Variants in SLC5A6 observed in about 807,000 individuals in gnomAD.
SLC5A6 encodes solute carrier family 5 member 6.
In SLC5A6, 31 loss-of-function variants were observed where a neutral mutation model predicts 67.9. The ratio of observed to expected loss-of-function variants is 0.46; its 90% CI spans 0.34 to 0.62. The LOEUF (loss-of-function observed/expected upper bound fraction) is 0.62. Ranked by LOEUF, SLC5A6 falls within the 20% of genes least tolerant of loss-of-function variation. The pLI is 0.01. For missense variants in SLC5A6, 673 were observed against 812.8 expected, an observed-to-expected ratio of 0.83 and a Z score of 2.09; for synonymous variants, 343 against 331.0, an observed-to-expected ratio of 1.04 and a Z score of -0.39.
In SLC5A6 at chr2:27,199,690, G is replaced by C. The variant is rs1271936401; in HGVS notation, c.*746C>G. The C allele has an allele frequency of 5.2e-5, 8 of 152,490 alleles. No individual in the cohort carries two copies. The highest frequency in any genetic ancestry group is 5.2e-4 in the Admixed American group (8 of 15,280). 9.4% of individuals were successfully genotyped at this position (152,490 alleles called of 1,614,324 possible). On this transcript the variant is annotated 3_prime_UTR_variant, in exon 17 of 17. Transcript: ENST00000310574. ...GGATGACAGAAATGACACCACGGCA[G>C]CCTGGCTCAGGAGTCAGGTAGATAG...
chr2:27,202,998 A>ATAT, intron 11 of SLC5A6, 118 bp from the exon 12 acceptor site: 1 of 1,543,882 alleles, frequency 6.5e-7, no homozygotes, highest in Non-Finnish European at 8.7e-7. Flanking sequence ...AACAAAAGGC[A>ATAT]TATTACATCA....
At position 27,199,611 on chromosome 2, in the gene SLC5A6, T is replaced by C. The variant is rs1439802951; in HGVS notation, c.*825A>G. 1 of 152,364 alleles carries C rather than the reference T, an allele frequency of 6.6e-6. No individual in the cohort carries two copies. Among genetic ancestry groups the C allele is most frequent in the Non-Finnish European group, 1.5e-5 (1 of 68,074 alleles). 9.4% of individuals were successfully genotyped at this position (152,364 alleles called of 1,614,324 possible). A position where few individuals can be genotyped will look rare whatever the true frequency, so the allele number is the denominator to read the frequency against. ...ATTCTAGGTCCAATGGTAGTTTTTA[T>C]TCCCCAGGAACAAAGATAATGTGGA... On this transcript the variant is annotated 3_prime_UTR_variant, in exon 17 of 17. Transcript: ENST00000310574.
intron 11 of SLC5A6, 119 bp from the exon 12 acceptor site, chr2:27,202,999 T>C: frequency 1.3e-6 from 2 of 1,544,016 alleles, no homozygotes; most frequent in South Asian, 2.5e-5. Flanking sequence ...ACAAAAGGCA[T>C]ATTACATCAC....
rs778734078 is a variant in SLC5A6, at chr2:27,204,507, T to C, written c.959A>G (p.Gln320Arg). The change falls in exon 9 of 17, where the codon CAG (glutamine) becomes CGG (arginine). Residue 320 changes from glutamine (Q) to arginine (R), a missense_variant. Gln to Arg is a conservative substitution (Grantham distance 43). Transcript: ENST00000310574. ...LIGLVMFAYYQEYPMSIQQAQ... is the reference protein window; with the variant it reads ...LIGLVMFAYYREYPMSIQQAQ... ...CTGCTGAATGCTCATGGGATACTCC[T>C]GGTAATACGCGAACATGACCAGGCC... 6.8e-6 allele frequency: 11 copies of C among 1,613,868 alleles called. No homozygotes were observed. In the East Asian group the frequency reaches 1.6e-4, roughly 23 times the overall value.
Position 27,206,010 on chromosome 2 carries a change from G to A in SLC5A6, c.579+16C>T, listed in dbSNP as rs200637355. 1.9e-6 allele frequency: 3 copies of A among 1,600,292 alleles called. No homozygotes were observed. The highest frequency in any genetic ancestry group is 1.7e-4 in the Middle Eastern group (1 of 6,024). On this transcript the variant is annotated intron_variant, in intron 6 of 16. Coordinates refer to ENST00000310574, the MANE Select transcript of SLC5A6 (RefSeq NM_021095.4). The stretch of plus-strand genomic sequence containing the variant: ...TCATCCCTTCCCCTCCCCACACCAC[G>A]GCTTACTGCACTTACCAGAGCTGTA...
intron 12 of SLC5A6, 46 bp from the exon 13 acceptor site, chr2:27,202,120 G>T (rs1411224605): frequency 3.0e-6 from 4 of 1,352,694 alleles, no homozygotes; most frequent in South Asian, 1.2e-5. Context: ...CACAGACTCA[G>T]AGATGCCCAG....
intron 13 of SLC5A6, 34 bp from the exon 14 acceptor site, chr2:27,201,881 CAG>C: frequency 6.2e-7 from 1 of 1,612,274 alleles, no homozygotes; most frequent in Non-Finnish European, 8.5e-7. Flanking sequence ...GTCACAAGGC[CAG>C]TCCTGCCAGC....
chr2:27,209,893 C>T (rs1674340655), intron 2 of SLC5A6, among the ~76,000 whole-genome samples: 1 of 152,202 alleles, frequency 6.6e-6, no homozygotes, highest in Admixed American at 6.5e-5. Context: ...TCCCAACAGG[C>T]TTAAACTCTG....
At chr2:27,212,505 C>A (rs774783367), upstream of SLC5A6, 2 of 1,536,728 alleles carry the variant, frequency 1.3e-6, no homozygotes, top group Non-Finnish European at 1.7e-6. Context: ...GAAGCAGGGT[C>A]GCTGGCCAGC....
chr2:27,209,285 A>G (rs2148022392), intron 2 of SLC5A6, among the ~76,000 whole-genome samples: 1 of 152,354 alleles, frequency 6.6e-6, no homozygotes, highest in East Asian at 1.9e-4. Flanking sequence ...GGTATGAGGA[A>G]AAAACACCAG....
At chr2:27,210,837 CACGGTGAAACCCCGTCTCT>C (rs1218528171) in intron 2 of SLC5A6, among the ~76,000 whole-genome samples, 1 of 151,996 alleles carries the variant, frequency 6.6e-6, no homozygotes, top group Non-Finnish European at 1.5e-5. Flanking sequence ...TCCTGGCTAA[CACGGTGAAACCCCGTCTCT>C]ACTAAAAAAT....
rs374107283 is a variant in SLC5A6, at chr2:27,201,447, T to G, written c.1551A>C (p.Thr517=). The change falls in exon 15 of 17, where the codon ACA becomes ACC. Residue 517 remains threonine (T), a synonymous_variant. Coordinates refer to ENST00000310574, the MANE Select transcript of SLC5A6 (RefSeq NM_021095.4). The part of the protein sequence containing the change: ...LMPLTTFSKP[T]GLQRFYSLSY... The stretch of plus-strand genomic sequence containing the variant: ...ACAAGGAATAGAACCGCTGCAGCCC[T>G]GTGGGCCTGGGAAGAGCAGAGGTGA... 1.2e-5 allele frequency: 19 copies of G among 1,607,048 alleles called. No individual in the cohort carries two copies. Among genetic ancestry groups the G allele is most frequent in the Non-Finnish European group, 1.5e-5 (18 of 1,173,752 alleles).
chr2:27,212,449 G>T, upstream of SLC5A6: 1 of 1,563,352 alleles, frequency 6.4e-7, no homozygotes, highest in Non-Finnish European at 8.7e-7. Context: ...GCGTGGAAAG[G>T]GCTCTGGCGC....
In SLC5A6 at chr2:27,211,951, G is replaced by C. The variant is rs1045177827; in HGVS notation, c.-208+69C>G. ...CAGAGCCCGGCCGAGAGCCCTGGCC[G>C]GGAGCCCGCGGGGGCCCCGCCCCCT... On this transcript the variant is annotated intron_variant, in intron 1 of 16. Coordinates refer to ENST00000310574, the MANE Select transcript of SLC5A6 (RefSeq NM_021095.4). 4.8e-5 allele frequency: 23 copies of C among 476,688 alleles called. No individual in the cohort carries two copies. In the Admixed American group the frequency reaches 8.0e-4, roughly 17 times the overall value. 29.5% of individuals were successfully genotyped at this position (476,688 alleles called of 1,614,324 possible). A position where few individuals can be genotyped will look rare whatever the true frequency, so the allele number is the denominator to read the frequency against.
chr2:27,206,628 C>T, intron 4 of SLC5A6, 94 bp from the exon 5 acceptor site: 1 of 1,197,520 alleles, frequency 8.4e-7, no homozygotes, highest in Non-Finnish European at 1.2e-6. Flanking sequence ...CCCATGGCTT[C>T]CCCTCACCTA....
At chr2:27,209,225 C>A (rs556766689) in intron 2 of SLC5A6, among the ~76,000 whole-genome samples, 1 of 152,334 alleles carries the variant, frequency 6.6e-6, no homozygotes, top group Admixed American at 6.5e-5. Flanking sequence ...CCTGTCTGTT[C>A]TCCAAGCGTA....
At chr2:27,202,514 A>AAAAAG (rs1284781558) in intron 12 of SLC5A6, among the ~76,000 whole-genome samples, 23 of 148,442 alleles carry the variant, frequency 1.5e-4, no homozygotes, top group African/African-American at 5.3e-4. Context: ...AAAAAAAAAA[A>AAAAAG]AAAAAAAAAA....
At chr2:27,210,721 C>T (rs978054096) in intron 2 of SLC5A6, among the ~76,000 whole-genome samples, 3 of 151,776 alleles carry the variant, frequency 2.0e-5, no homozygotes, top group African/African-American at 7.3e-5. Flanking sequence ...GGCCACCGCG[C>T]CAGGCCAAGT....
chr2:27,207,496 C>T lies in SLC5A6; in HGVS notation c.155G>A (p.Gly52Asp), dbSNP rs1290952805. ...IGLYHACRGW[G>D]RHTVGELLMA... Reference sequence around the variant, plus strand: ...CAGCAGCTCACCAACAGTATGCCGGCCCCAGCCACGACAAGCATGGTAGAG... The same window carrying T: ...CAGCAGCTCACCAACAGTATGCCGGTCCCAGCCACGACAAGCATGGTAGAG... The change falls in exon 3 of 17, where the codon GGC (glycine) becomes GAC (aspartate). Residue 52 changes from glycine (G) to aspartate (D), a missense_variant. Coordinates refer to ENST00000310574, the MANE Select transcript of SLC5A6 (RefSeq NM_021095.4). The surrounding 1 kb of genome is among the most constrained non-coding windows in gnomAD (Gnocchi z 5.5). The T allele has an allele frequency of 6.2e-7, 1 of 1,614,182 alleles. No individual in the cohort carries two copies. The highest frequency in any genetic ancestry group is 1.7e-5 in the Admixed American group (1 of 60,020).
Sources: allele counts gnomAD v4.1 joint callset (sites outside exome capture counted in the v4.1 genomes callset), GRCh38; gene constraint gnomAD v4.1.1; non-coding constraint Gnocchi (gnomAD v3.1); transcripts MANE v1.5; gene names NCBI Gene and HGNC (gene_info 2026-07-23, HGNC 2026-07-21).